Variants in GOLGA5 observed in about 807,000 individuals in gnomAD.
GOLGA5 encodes the protein golgin subfamily A member 5.
Under a neutral mutation model 93.5 loss-of-function variants are expected in GOLGA5, and 50 were observed. That is an observed-to-expected ratio of 0.53 (90% CI 0.43 to 0.68). GOLGA5 has a LOEUF of 0.68. GOLGA5 is among the 30% of genes least tolerant of loss of function. GOLGA5 has a pLI of 0.00. For missense variants in GOLGA5, 760 were observed against 856.4 expected, an observed-to-expected ratio of 0.89 and a Z score of 1.40; for synonymous variants, 312 against 304.5, an observed-to-expected ratio of 1.02 and a Z score of -0.26.
intron 2 of GOLGA5, among the ~76,000 whole-genome samples, chr14:92,804,828 A>ATTTTTG (rs1271973040): frequency 2.0e-4 from 8 of 39,676 alleles, no homozygotes; most frequent in Admixed American, 3.0e-4. Context: ...GCTAATTTTT[A>ATTTTTG]GTAGAAACAG....
At chr14:92,800,161 A>G (rs1305853270) in intron 2 of GOLGA5, among the ~76,000 whole-genome samples, 1 of 152,214 alleles carries the variant, frequency 6.6e-6, no homozygotes, top group Admixed American at 6.5e-5. Context: ...AGGTGCAAGG[A>G]TATGGAAGTG....
intron 9 of GOLGA5, among the ~76,000 whole-genome samples, chr14:92,831,980 C>A (rs1367729986): frequency 6.6e-6 from 1 of 152,186 alleles, no homozygotes; most frequent in Non-Finnish European, 1.5e-5. Context: ...GGGTTTTAAA[C>A]TTAGATCAAA....
At chr14:92,834,195 TA>T (rs869279965) in intron 10 of GOLGA5, among the ~76,000 whole-genome samples, 29 of 147,764 alleles carry the variant, frequency 2.0e-4, no homozygotes, top group Non-Finnish European at 2.8e-4. Flanking sequence ...TTTTTTTTTT[TA>T]TTTTATTTTT....
intron 11 of GOLGA5, 48 bp from the exon 12 acceptor site, chr14:92,837,338 A>C: frequency 2.3e-6 from 2 of 885,856 alleles, no homozygotes; most frequent in Non-Finnish European, 3.7e-6. Flanking sequence ...ATTTGTTTTG[A>C]CTGTGACTCT....
intron 2 of GOLGA5, among the ~76,000 whole-genome samples, chr14:92,803,890 A>G (rs953854490): frequency 3.9e-5 from 6 of 152,230 alleles, no homozygotes; most frequent in Non-Finnish European, 7.3e-5. Context: ...AAACTGCACG[A>G]TAAGTATTGT....
intron 6 of GOLGA5, among the ~76,000 whole-genome samples, chr14:92,815,177 C>T (rs1277790800): frequency 6.6e-6 from 1 of 152,206 alleles, no homozygotes; most frequent in Admixed American, 6.5e-5. Flanking sequence ...ATCTGAGCTG[C>T]ATCTCACATT....
At chr14:92,823,402 TG>T (rs1395201273) in intron 8 of GOLGA5, among the ~76,000 whole-genome samples, 1 of 136,496 alleles carries the variant, frequency 7.3e-6, no homozygotes, top group Non-Finnish European at 1.5e-5. Context: ...TCAGAGCTTC[TG>T]GCTTTTCTTT....
At chr14:92,813,975 G>A (rs941944419) in intron 6 of GOLGA5, among the ~76,000 whole-genome samples, 4 of 151,982 alleles carry the variant, frequency 2.6e-5, no homozygotes, top group Admixed American at 1.3e-4. Flanking sequence ...GATGACTCCA[G>A]GTTTTTGGTT....
chr14:92,833,254 C>G lies in GOLGA5; in HGVS notation c.1852C>G (p.Gln618Glu), dbSNP rs780060033. The G allele has an allele frequency of 7.4e-6, 12 of 1,613,546 alleles. No homozygotes were observed. Among genetic ancestry groups the G allele is most frequent in the Admixed American group, 3.3e-5 (2 of 59,998 alleles). ...LSTEKNSLVF[Q>E]LERLEQQMNS... ...CACAGAAAAGAACTCCCTGGTCTTT[C>G]AACTGGAGCGCCTCGAACAGCAGAT... is the stretch of plus-strand genomic sequence containing the variant. Residue 618 changes from glutamine to glutamate, a missense_variant, in exon 10 of 13, where the codon CAA becomes GAA. Coordinates refer to ENST00000163416, the MANE Select transcript of GOLGA5 (RefSeq NM_005113.4).
At position 92,818,494 on chromosome 14, in the gene GOLGA5, C is replaced by T. The variant is rs1330346173; in HGVS notation, c.1492-1214C>T. ...ATGTTTTTGACCACTGTGCATACTGCCTGCCTCTCAAGAATTTGCCCGATG... is the reference window on the plus strand; with the variant it reads ...ATGTTTTTGACCACTGTGCATACTGTCTGCCTCTCAAGAATTTGCCCGATG... On this transcript the variant is annotated intron_variant, in intron 7 of 12. Transcript: ENST00000163416. Among the ~76,000 whole-genome samples the T allele has an allele frequency of 3.9e-5, 6 of 152,290 alleles. No individual in the cohort carries two copies. The South Asian group carries it at 1.2e-3, about 32-fold the overall frequency.
chr14:92,833,697 G>A (rs926893096), intron 10 of GOLGA5, among the ~76,000 whole-genome samples: 4 of 152,116 alleles, frequency 2.6e-5, no homozygotes, highest in South Asian at 4.1e-4. Context: ...AAATAGTTAC[G>A]GGTATTAGAG....
chr14:92,805,025 C>A (rs1344784213), intron 2 of GOLGA5, among the ~76,000 whole-genome samples: 3 of 152,118 alleles, frequency 2.0e-5, no homozygotes, highest in African/African-American at 7.2e-5. Context: ...GTTATTTTTT[C>A]TTTTAGGTAA....
chr14:92,836,322 G>A (rs1487613245), intron 11 of GOLGA5, among the ~76,000 whole-genome samples: 1 of 152,030 alleles, frequency 6.6e-6, no homozygotes, highest in African/African-American at 2.4e-5. Flanking sequence ...GTACCTTTTT[G>A]TGTCAGAATT....
At position 92,819,703 on chromosome 14, in the gene GOLGA5, T is replaced by C. The variant is rs762788253; in HGVS notation, c.1492-5T>C. 1.9e-6 allele frequency: 3 copies of C among 1,612,858 alleles called. No homozygotes were observed. Among genetic ancestry groups the C allele is most frequent in the Non-Finnish European group, 2.5e-6 (3 of 1,179,126 alleles). ...TGCTTTTACATGTAAGCTTTTTCTCTTTAGGATATGGAGGCACAGCAAGTT... is the reference window on the plus strand; with the variant it reads ...TGCTTTTACATGTAAGCTTTTTCTCCTTAGGATATGGAGGCACAGCAAGTT... On this transcript the variant is annotated splice_polypyrimidine_tract_variant and splice_region_variant and intron_variant, in intron 7 of 12. Transcript: ENST00000163416.
At chr14:92,822,222 G>T (rs1201985024) in intron 8 of GOLGA5, among the ~76,000 whole-genome samples, 5 of 152,122 alleles carry the variant, frequency 3.3e-5, no homozygotes, top group Non-Finnish European at 5.9e-5. Context: ...CACCTCTCTT[G>T]ATTTTTTTCC....
At chr14:92,835,228 TAGAA>T (rs947774041) in intron 10 of GOLGA5, among the ~76,000 whole-genome samples, 5 of 152,198 alleles carry the variant, frequency 3.3e-5, no homozygotes, top group Non-Finnish European at 5.9e-5. Flanking sequence ...CTCTGCTTCA[TAGAA>T]AGACCACCCG....
intron 2 of GOLGA5, among the ~76,000 whole-genome samples, chr14:92,803,194 C>T (rs1172074546): frequency 1.3e-5 from 2 of 151,954 alleles, no homozygotes; most frequent in African/African-American, 2.4e-5. Context: ...CACCGCCATG[C>T]GTAGGTAATT....
intron 2 of GOLGA5, among the ~76,000 whole-genome samples, chr14:92,803,662 T>A (rs1327786535): frequency 2.0e-5 from 3 of 152,208 alleles, no homozygotes; most frequent in African/African-American, 7.2e-5. Flanking sequence ...TTATACTTAT[T>A]TAATTTCAGG....
intron 9 of GOLGA5, among the ~76,000 whole-genome samples, chr14:92,829,107 A>C (rs1361475292): frequency 6.6e-6 from 1 of 152,128 alleles, no homozygotes; most frequent in African/African-American, 2.4e-5. Flanking sequence ...TGGGATTACA[A>C]GTGCAAGCTA....
Sources: gnomAD v4.1 joint callset for allele counts (sites outside exome capture counted in the v4.1 genomes callset) on GRCh38, gnomAD v4.1.1 for gene constraint, MANE v1.5 for transcripts, NCBI Gene and HGNC (gene_info 2026-07-23, HGNC 2026-07-21) for gene names.